ATP6V1A: variants seen among roughly 807,000 people sequenced by gnomAD.
The protein encoded by ATP6V1A is ATPase H+ transporting V1 subunit A.
A neutral mutation model predicts 70.1 loss-of-function variants in ATP6V1A; 18 were observed. The observed-to-expected ratio is 0.26, with a 90% CI of 0.18 to 0.38. The LOEUF (loss-of-function observed/expected upper bound fraction) is 0.38. Ranked by LOEUF, ATP6V1A falls within the 10% of genes least tolerant of loss-of-function variation. ATP6V1A has a pLI of 1.00. For synonymous variants in ATP6V1A, 232 were observed against 253.8 expected, an observed-to-expected ratio of 0.91 and a Z score of 0.82; for missense variants, 424 against 772.4, an observed-to-expected ratio of 0.55 and a Z score of 5.35.
intron 1 of ATP6V1A, among the ~76,000 whole-genome samples, chr3:113,763,162 G>A (rs926874468): frequency 6.6e-6 from 1 of 151,942 alleles, no homozygotes; most frequent in Non-Finnish European, 1.5e-5. Context: ...GCGCAATCTC[G>A]GCTCACTGCA....
chr3:113,805,736 T>G (rs1292804157), intron 14 of ATP6V1A, among the ~76,000 whole-genome samples: 2 of 152,050 alleles, frequency 1.3e-5, no homozygotes, highest in Non-Finnish European at 2.9e-5. Context: ...GCCCAGCTAA[T>G]TTTTGGATTT....
At chr3:113,774,172 G>A (rs911962714) in intron 1 of ATP6V1A, among the ~76,000 whole-genome samples, 2 of 151,516 alleles carry the variant, frequency 1.3e-5, no homozygotes, top group Non-Finnish European at 2.9e-5. Context: ...CCGTAAACAG[G>A]GAAATTTCTT....
intron 1 of ATP6V1A, among the ~76,000 whole-genome samples, chr3:113,778,359 A>C (rs2108025106): frequency 6.6e-6 from 1 of 152,232 alleles, no homozygotes; most frequent in East Asian, 1.9e-4. Flanking sequence ...CTTCCACTGC[A>C]CTCCAGCCTG....
intron 3 of ATP6V1A, among the ~76,000 whole-genome samples, chr3:113,781,917 T>C (rs1441150397): frequency 6.6e-6 from 1 of 152,232 alleles, no homozygotes; most frequent in African/African-American, 2.4e-5. Context: ...GAGTGACATA[T>C]TACATTTCAG....
intron 1 of ATP6V1A, among the ~76,000 whole-genome samples, chr3:113,766,751 G>T (rs1021677017): frequency 2.6e-5 from 4 of 152,174 alleles, no homozygotes; most frequent in African/African-American, 9.6e-5. Context: ...ATGACACATG[G>T]CTTTCTTTTC....
chr3:113,756,245 T>A lies in ATP6V1A; in HGVS notation c.-14+9132T>A, dbSNP rs1248466956. On this transcript the variant is annotated intron_variant, in intron 1 of 14. Transcript: ENST00000273398. The stretch of plus-strand genomic sequence containing the variant: ...CCGCTAAACATGTAGCCTGTCATAG[T>A]ATTACAAGGTATTTAACCAGCCTCC... Among the ~76,000 whole-genome samples, 4 of 152,206 alleles carry A rather than the reference T, an allele frequency of 2.6e-5. No individual in the cohort carries two copies. In the East Asian group the frequency reaches 7.7e-4, roughly 29 times the overall value.
chr3:113,756,236 C>T (rs972707579), intron 1 of ATP6V1A, among the ~76,000 whole-genome samples: 2 of 152,166 alleles, frequency 1.3e-5, no homozygotes, highest in African/African-American at 2.4e-5. Flanking sequence ...AACATGTAGC[C>T]TGTCATAGTA....
intron 1 of ATP6V1A, among the ~76,000 whole-genome samples, chr3:113,772,933 CTTTTTTTTTTT>C (rs762901487): frequency 1.4e-4 from 13 of 90,430 alleles, no homozygotes; most frequent in Non-Finnish European, 2.7e-4. Flanking sequence ...TTAATATTGG[CTTTTTTTTTTT>C]TTTTTTTTTT....
chr3:113,763,963 G>T (rs1170828301), intron 1 of ATP6V1A, among the ~76,000 whole-genome samples: 1 of 152,080 alleles, frequency 6.6e-6, no homozygotes, highest in Non-Finnish European at 1.5e-5. Flanking sequence ...AAAGTGGCAG[G>T]GTGCAGTGGC....
At chr3:113,755,216 A>C (rs1708633812) in intron 1 of ATP6V1A, among the ~76,000 whole-genome samples, 1 of 152,076 alleles carries the variant, frequency 6.6e-6, no homozygotes, top group African/African-American at 2.4e-5. Flanking sequence ...CATTTTTCTC[A>C]ACTTTAAAAT....
chr3:113,805,569 T>G, intron 14 of ATP6V1A, 44 bp downstream of exon 14: 1 of 1,535,972 alleles, frequency 6.5e-7, no homozygotes, highest in South Asian at 1.2e-5. Context: ...TGGAAATGCT[T>G]CTTTTTTTCT....
chr3:113,752,221 T>C (rs1040183397), intron 1 of ATP6V1A, among the ~76,000 whole-genome samples: 1 of 151,940 alleles, frequency 6.6e-6, no homozygotes, highest in Non-Finnish European at 1.5e-5. Context: ...CAGATGTGCT[T>C]GAGCAATGAA....
chr3:113,798,379 G>A lies in ATP6V1A; in HGVS notation c.1427G>A (p.Arg476Lys), dbSNP rs765151998. 1 of 1,613,842 alleles carries A rather than the reference G, an allele frequency of 6.2e-7. No homozygotes were observed. Among genetic ancestry groups the A allele is most frequent in the Non-Finnish European group, 8.5e-7 (1 of 1,179,918 alleles). ...CACTTCACAGAGTTCGTTCCTCTGA[G>A]GACGAAAGCTAAGGAAATTCTGCAG... is the stretch of plus-strand genomic sequence containing the variant. Reference protein sequence around the residue: ...DKHFTEFVPLRTKAKEILQEE... With the variant: ...DKHFTEFVPLKTKAKEILQEE... Residue 476 changes from arginine to lysine, a missense_variant, in exon 12 of 15, where the codon AGG (arginine) becomes AAG (lysine). Physicochemically the swap from Arg to Lys is conservative, Grantham distance 26. Coordinates refer to ENST00000273398, the MANE Select transcript of ATP6V1A (RefSeq NM_001690.4).
chr3:113,791,712 C>T (rs1001009653), intron 8 of ATP6V1A, among the ~76,000 whole-genome samples: 26 of 150,606 alleles, frequency 1.7e-4, no homozygotes, highest in African/African-American at 5.8e-4. Flanking sequence ...GTGAATTCTC[C>T]TCTGTCTCAC....
chr3:113,773,384 A>G (rs1050410581), intron 1 of ATP6V1A, among the ~76,000 whole-genome samples: 1 of 152,224 alleles, frequency 6.6e-6, no homozygotes, highest in Non-Finnish European at 1.5e-5. Flanking sequence ...TCTTATTAGT[A>G]TGATGTCACT....
chr3:113,784,934 C>A, intron 5 of ATP6V1A, 101 bp downstream of exon 5: 1 of 1,268,160 alleles, frequency 7.9e-7, no homozygotes. Flanking sequence ...ATATTTAATA[C>A]ATAAGTTTTG....
In ATP6V1A at chr3:113,803,672, T is replaced by A; in HGVS notation, c.1584T>A (p.Tyr528Ter). ...DFLQQNGYTP[Y>*]DRFCPFYKTV... ...TACAACAAAATGGATATACTCCTTA[T>A]GACAGGTAAGCTATATTGATTTCCT... The change falls in exon 13 of 15, where the codon TAT (tyrosine) becomes TAA (stop). Residue 528 changes from tyrosine to a stop codon, truncating the protein, a stop_gained. Coordinates refer to ENST00000273398, the MANE Select transcript of ATP6V1A (RefSeq NM_001690.4). LOFTEE classifies it high-confidence loss of function. 1 of 1,596,482 alleles carries A rather than the reference T, an allele frequency of 6.3e-7. No individual in the cohort carries two copies. Among genetic ancestry groups the A allele is most frequent in the Non-Finnish European group, 8.6e-7 (1 of 1,165,338 alleles).
intron 6 of ATP6V1A, among the ~76,000 whole-genome samples, chr3:113,786,891 G>A (rs563595184): frequency 4.0e-5 from 6 of 151,514 alleles, no homozygotes; most frequent in Non-Finnish European, 5.9e-5. Flanking sequence ...TCCTCCTCCT[G>A]CCTCACCCTC....
intron 1 of ATP6V1A, among the ~76,000 whole-genome samples, chr3:113,748,045 A>G (rs1708544088): frequency 6.6e-6 from 1 of 152,234 alleles, no homozygotes; most frequent in East Asian, 1.9e-4. Flanking sequence ...CCCCTAAAAT[A>G]CTACTGAATT....
Sources: gnomAD v4.1 joint callset for allele counts (sites outside exome capture counted in the v4.1 genomes callset) on GRCh38, gnomAD v4.1.1 for gene constraint, MANE v1.5 for transcripts, NCBI Gene and HGNC (gene_info 2026-07-23, HGNC 2026-07-21) for gene names.